PRSS27: variants seen among roughly 807,000 people sequenced by gnomAD.
PRSS27 encodes serine protease 27.
A neutral mutation model predicts 32.0 loss-of-function variants in PRSS27; 25 were observed. The ratio of observed to expected loss-of-function variants is 0.78; its 90% confidence interval spans 0.57 to 1.09. The LOEUF (loss-of-function observed/expected upper bound fraction) is 1.09, where lower values mean the gene tolerates loss of function less well. Among genes scored for constraint, PRSS27 ranks in the 50% least tolerant of loss-of-function variants. The pLI, the probability that PRSS27 is intolerant of heterozygous loss-of-function variation, is 0.00. For missense variants in PRSS27, 401 were observed against 394.9 expected (o/e 1.02, Z -0.13); for synonymous variants, 178 against 172.2 (o/e 1.03, Z -0.26).
rs1214561455 is a variant in PRSS27 at position 2,717,326 on chromosome 16, CT to C, written c.47-801del. 1 of 152,338 alleles carries C rather than the reference CT, an allele frequency of 6.6e-6. No individual in the cohort carries two copies. The highest frequency in any genetic ancestry group is 1.5e-5 in the Non-Finnish European group (1 of 68,142). The allele number at this position is 152,338 out of a possible 1,614,324, so 9.4% of individuals were successfully genotyped here. On this transcript the variant is annotated intron_variant, in intron 1 of 5. Coordinates refer to ENST00000302641, the MANE Select transcript of PRSS27 (RefSeq NM_031948.5). The surrounding 1 kb of genome is among the most constrained non-coding windows in gnomAD (Gnocchi z 4.1). ...ACCAAGGATGGGAACATATTTTCTG[CT>C]GTCCATTGCCTCCCACACCCCAGGA...
chr16:2,716,386 C>T, intron 2 of PRSS27, 114 bp downstream of exon 2: 1 of 1,001,542 alleles, frequency 1.0e-6, no homozygotes, highest in Non-Finnish European at 1.5e-6. Context: ...CCACTTTCCC[C>T]TCCTCTGGAA....
In PRSS27 at chr16:2,712,668, G is replaced by A; in HGVS notation, c.825C>T (p.Ile275=). 1.9e-6 allele frequency: 3 copies of A among 1,598,912 alleles called. No homozygotes were observed. Among genetic ancestry groups the A allele is most frequent in the Non-Finnish European group, 2.6e-6 (3 of 1,172,646 alleles). Reference sequence around the variant, plus strand: ...CTGGCTGGAACTGCAGTTTGGGGATGATCCGATGGATCCAGTTGTGGTGGG... The same window carrying A: ...CTGGCTGGAACTGCAGTTTGGGGATAATCCGATGGATCCAGTTGTGGTGGG... The part of the protein sequence containing the change: ...VTAHHNWIHR[I]IPKLQFQPAR... Residue 275 remains isoleucine, a synonymous_variant, in exon 6 of 6, where the codon ATC becomes ATT. Coordinates refer to ENST00000302641, the MANE Select transcript of PRSS27 (RefSeq NM_031948.5). This position sits in a 1 kb window ranked among gnomAD's most constrained non-coding sequence, Gnocchi z 4.6.
chr16:2,718,557 T>G (rs2067716444), intron 1 of PRSS27: 1 of 152,154 alleles, frequency 6.6e-6, no homozygotes. Flanking sequence ...GGCCCCGTGA[T>G]CCGCCCACCT....
chr16:2,713,650 A>G lies in PRSS27; in HGVS notation c.557T>C (p.Ile186Thr), dbSNP rs1288191234. ...RILQKLAVPI[I>T]DTPKCNLLYS... ...GAGCAGGTTGCACTTGGGTGTGTCG[A>G]TGATGGGCACAGCGAGTTTCTGCAG... is the stretch of plus-strand genomic sequence containing the variant. The change falls in exon 5 of 6, where the codon ATC becomes ACC. Residue 186 changes from isoleucine (I) to threonine (T), a missense_variant. Coordinates refer to ENST00000302641, the MANE Select transcript of PRSS27 (RefSeq NM_031948.5). 1 of 1,614,192 alleles carries G rather than the reference A, an allele frequency of 6.2e-7. No individual in the cohort carries two copies.
Position 2,714,911 on chromosome 16 carries a change from GTTTGTTT to G in PRSS27, c.237-582_237-576del, listed in dbSNP as rs1329257915. 2 of 154,122 alleles carry G rather than the reference GTTTGTTT, an allele frequency of 1.3e-5. No individual in the cohort carries two copies. The highest frequency in any genetic ancestry group is 4.8e-5 in the African/African-American group (2 of 41,508). The allele number at this position is 154,122 out of a possible 1,614,324, so 9.5% of individuals were successfully genotyped here. A position where few individuals can be genotyped will look rare whatever the true frequency, so the allele number is the denominator to read the frequency against. On this transcript the variant is annotated intron_variant, in intron 3 of 5. Transcript: ENST00000302641. This position sits in a 1 kb window ranked among gnomAD's most constrained non-coding sequence, Gnocchi z 4.7. The stretch of plus-strand genomic sequence containing the variant: ...CACTGCACCTGGGGTTTTTTTGTTT[GTTTGTTT>G]TTTGTTTTTTAATTTTTTTTTATTT...
intron 1 of PRSS27, among the ~76,000 whole-genome samples, chr16:2,719,851 G>C (rs549175353): frequency 1.3e-5 from 2 of 152,308 alleles, no homozygotes; most frequent in South Asian, 4.1e-4. Flanking sequence ...TGCCCGCGGA[G>C]AGGCATGGGA....
chr16:2,715,435 G>A (rs1210538719), intron 3 of PRSS27: 4 of 393,944 alleles, frequency 1.0e-5, no homozygotes, highest in Non-Finnish European at 1.8e-5. Context: ...CTGCCGGGCC[G>A]CTTCTGCAGG....
chr16:2,715,385 G>C (rs1313565687), intron 3 of PRSS27: 4 of 286,182 alleles, frequency 1.4e-5, no homozygotes, highest in African/African-American at 8.9e-5. Context: ...TGAGGTGTGT[G>C]CGGGATGGGG....
Position 2,714,442 on chromosome 16 carries a change from T to C in PRSS27, c.237-106A>G. ...CACCACCGTGCCCCACACCTCTCTC[T>C]GCACAATGTCTTCGAGAGTCATCTC... On this transcript the variant is annotated intron_variant, in intron 3 of 5. Coordinates refer to ENST00000302641, the MANE Select transcript of PRSS27 (RefSeq NM_031948.5). The surrounding 1 kb of genome is among the most constrained non-coding windows in gnomAD (Gnocchi z 4.7). 7.8e-7 allele frequency: 1 copy of C among 1,276,818 alleles called. No individual in the cohort carries two copies. Among genetic ancestry groups the C allele is most frequent in the Non-Finnish European group, 1.1e-6 (1 of 910,538 alleles). The allele number at this position is 1,276,818 out of a possible 1,614,324, so 79.1% of individuals were successfully genotyped here.
chr16:2,715,612 G>A (rs1391573961), intron 3 of PRSS27, 106 bp downstream of exon 3: 7 of 865,370 alleles, frequency 8.1e-6, no homozygotes, highest in South Asian at 3.8e-5. Context: ...CCCCCAGGGA[G>A]GTCACCCGCA....
Position 2,714,672 on chromosome 16 carries a change from G to A in PRSS27, c.237-336C>T. ...GCTCGGAGAGAACCACCCTCCAGGT[G>A]CAGCAGGGCCAGCCCCACCTGCGGG... On this transcript the variant is annotated intron_variant, in intron 3 of 5. Transcript: ENST00000302641. The surrounding 1 kb of genome is among the most constrained non-coding windows in gnomAD (Gnocchi z 4.7). 5.9e-6 allele frequency: 2 copies of A among 338,974 alleles called. No homozygotes were observed. Among genetic ancestry groups the A allele is most frequent in the South Asian group, 3.0e-5 (1 of 33,772 alleles). The allele number at this position is 338,974 out of a possible 1,614,324, so 21.0% of individuals were successfully genotyped here.
rs765986739 is a variant in PRSS27, at chr16:2,712,864, A to G, written c.679-50T>C. On this transcript the variant is annotated intron_variant, in intron 5 of 5. Coordinates refer to ENST00000302641, the MANE Select transcript of PRSS27 (RefSeq NM_031948.5). This position sits in a 1 kb window ranked among gnomAD's most constrained non-coding sequence, Gnocchi z 4.6. ...CAGAGCCCACCTTGAGTTCCCAGAG[A>G]CTCAGTTGCAGCCGCACAGGAGGTG... 42 of 1,401,064 alleles carry G rather than the reference A, an allele frequency of 3.0e-5. No individual in the cohort carries two copies. Among genetic ancestry groups the G allele is most frequent in the Non-Finnish European group, 3.8e-5 (40 of 1,055,136 alleles). The allele number at this position is 1,401,064 out of a possible 1,614,324, so 86.8% of individuals were successfully genotyped here.
chr16:2,713,519 T>G lies in PRSS27; in HGVS notation c.678+10A>C, dbSNP rs80172788. On this transcript the variant is annotated intron_variant, in intron 5 of 5. Transcript: ENST00000302641. The stretch of plus-strand genomic sequence containing the variant: ...GGACTGAGTCCCCATGGACACCACA[T>G]TGCTCCCACCTTGCAGGCATCCTTC... 6.2e-4 allele frequency: 994 copies of G among 1,614,024 alleles called. 5 individuals carry two copies. In the African/African-American group the frequency reaches 0.012, roughly 19 times the overall value.
At position 2,714,315 on chromosome 16, in the gene PRSS27, G is replaced by A. The variant is rs929431080; in HGVS notation, c.258C>T (p.Tyr86=). Residue 86 remains tyrosine, a synonymous_variant, in exon 4 of 6, where the codon TAC becomes TAT. Coordinates refer to ENST00000302641, the MANE Select transcript of PRSS27 (RefSeq NM_031948.5). The surrounding 1 kb of genome is among the most constrained non-coding windows in gnomAD (Gnocchi z 4.7). ...CFRNTSETSL[Y]QVLLGARQLV... is the part of the protein sequence containing the mutation. ...GCTGCCTTGCCCCCAGCAGGACCTG[G>A]TACAGGGACGTCTCAGAGGTGCTGG... is the stretch of plus-strand genomic sequence containing the variant. The A allele has an allele frequency of 2.5e-6, 4 of 1,612,946 alleles. No homozygotes were observed. Among genetic ancestry groups the A allele is most frequent in the Non-Finnish European group, 3.4e-6 (4 of 1,180,010 alleles).
intron 5 of PRSS27, chr16:2,713,146 T>G (rs931554536): frequency 2.1e-6 from 1 of 471,154 alleles, no homozygotes; most frequent in Non-Finnish European, 3.9e-6. Context: ...TGGCCCAGGC[T>G]GGAGTGCACT....
chr16:2,715,845 C>A lies in PRSS27; in HGVS notation c.109G>T (p.Gly37Cys), dbSNP rs1456712764. Reference protein sequence around the residue: ...GRPRMLNRMVGGQDTQEGEWP... With the variant: ...GRPRMLNRMVCGQDTQEGEWP... ...TCGCCCTCCTGCGTGTCCTGCCCGC[C>A]CACCATTCGGTTCAGCATCCTGGGG... Residue 37 changes from glycine to cysteine, a missense_variant, in exon 3 of 6, where the codon GGC (glycine) becomes TGC (cysteine). Coordinates refer to ENST00000302641, the MANE Select transcript of PRSS27 (RefSeq NM_031948.5). The A allele has an allele frequency of 6.2e-7, 1 of 1,601,060 alleles. No individual in the cohort carries two copies. The highest frequency in any genetic ancestry group is 1.1e-5 in the South Asian group (1 of 90,090).
intron 1 of PRSS27, 104 bp from the exon 2 acceptor site, chr16:2,716,630 CCAGAGGGACAGTCCA>C: frequency 8.9e-7 from 1 of 1,127,476 alleles, no homozygotes; most frequent in Non-Finnish European, 1.3e-6. Flanking sequence ...CCTGAGGACT[CCAGAGGGACAGTCCA>C]CAGAGGGACC....
Position 2,714,383 on chromosome 16 carries a change from G to A in PRSS27, c.237-47C>T, listed in dbSNP as rs1172421553. ...CGGCGTGAGGCGGCCCCTCGTGTGG[G>A]GACAGGCCCGGGAGGGGCTGGGGCT... is the stretch of plus-strand genomic sequence containing the variant. On this transcript the variant is annotated intron_variant, in intron 3 of 5. Transcript: ENST00000302641. The surrounding 1 kb of genome is among the most constrained non-coding windows in gnomAD (Gnocchi z 4.7). 1.9e-6 allele frequency: 3 copies of A among 1,597,766 alleles called. No individual in the cohort carries two copies. The highest frequency in any genetic ancestry group is 1.7e-5 in the Admixed American group (1 of 59,232).
At chr16:2,713,388 A>T (rs144554167) in intron 5 of PRSS27, 141 bp downstream of exon 5, 1 of 910,602 alleles carries the variant, frequency 1.1e-6, no homozygotes, top group South Asian at 1.3e-5. Flanking sequence ...GTGAGCCACC[A>T]CACCCGGCCC....
Sources: allele counts gnomAD v4.1 joint callset (sites outside exome capture counted in the v4.1 genomes callset), GRCh38; gene constraint gnomAD v4.1.1; non-coding constraint Gnocchi (gnomAD v3.1); transcripts MANE v1.5; gene names NCBI Gene and HGNC (gene_info 2026-07-23, HGNC 2026-07-21).